Variants in EPHA3 observed in about 807,000 individuals in gnomAD.
EPHA3 encodes the protein ephrin type-A receptor 3.
In EPHA3, 42 loss-of-function variants were observed where a neutral mutation model predicts 107.1. The ratio of observed to expected loss-of-function variants is 0.39; its 90% confidence interval spans 0.31 to 0.51. The LOEUF (loss-of-function observed/expected upper bound fraction) is 0.51. Ranked by LOEUF, EPHA3 falls within the 20% of genes least tolerant of loss-of-function variation. The pLI, the probability that EPHA3 is intolerant of heterozygous loss-of-function variation, is 0.78. For missense variants in EPHA3, 1,183 were observed against 1,211.2 expected (o/e 0.98, Z 0.35); for synonymous variants, 461 against 424.8 (o/e 1.09, Z -1.05).
intron 3 of EPHA3, among the ~76,000 whole-genome samples, chr3:89,287,774 G>C (rs1322573174): frequency 6.6e-6 from 1 of 152,038 alleles, no homozygotes; most frequent in Non-Finnish European, 1.5e-5. Flanking sequence ...ATTAGTTCAT[G>C]TTACACAAGT....
At chr3:89,473,014 G>T (rs1302143635) in intron 16 of EPHA3, among the ~76,000 whole-genome samples, 1 of 152,152 alleles carries the variant, frequency 6.6e-6, no homozygotes, top group African/African-American at 2.4e-5. Context: ...CTTAACATCT[G>T]TGAATCAGGA....
chr3:89,244,471 C>T lies in EPHA3; in HGVS notation c.814+33951C>T, dbSNP rs558318842. On this transcript the variant is annotated intron_variant, in intron 3 of 16. Coordinates refer to ENST00000336596, the MANE Select transcript of EPHA3 (RefSeq NM_005233.6). ...TTTTCCAGTTAAAAAAAGATGAGTA[C>T]CTTAAAAAATGTTTTATACTATCCA... Among the ~76,000 whole-genome samples, 6 of 151,926 alleles carry T rather than the reference C, an allele frequency of 3.9e-5. No homozygotes were observed. The South Asian group carries it at 1.0e-3, about 26-fold the overall frequency.
rs561364568 is a variant in EPHA3 at position 89,459,210 on chromosome 3, A to G, written c.2690+8840A>G. On this transcript the variant is annotated intron_variant, in intron 15 of 16. Transcript: ENST00000336596. Reference sequence around the variant, plus strand: ...TAAGGTAAAATTTTAAAAAAGATAGAAGGAACATTGAGGTATTAAGAAAAC... The same window carrying G: ...TAAGGTAAAATTTTAAAAAAGATAGGAGGAACATTGAGGTATTAAGAAAAC... Among the ~76,000 whole-genome samples, 3 of 152,184 alleles carry G rather than the reference A, an allele frequency of 2.0e-5. No homozygotes were observed. The South Asian group carries it at 6.2e-4, about 32-fold the overall frequency.
chr3:89,343,018 G>A (rs1224442096), intron 5 of EPHA3, among the ~76,000 whole-genome samples: 6 of 152,108 alleles, frequency 3.9e-5, no homozygotes, highest in African/African-American at 7.2e-5. Context: ...TCAAGATTGA[G>A]TATAAACTCG....
intron 10 of EPHA3, among the ~76,000 whole-genome samples, 153 bp from the exon 11 acceptor site, chr3:89,419,051 CT>C (rs1709304417): frequency 6.6e-6 from 1 of 151,418 alleles, no homozygotes; most frequent in African/African-American, 2.4e-5. Flanking sequence ...ATATGATTAT[CT>C]TTCAAAATAA....
chr3:89,118,714 C>T (rs1437550670), intron 1 of EPHA3, among the ~76,000 whole-genome samples: 1 of 151,732 alleles, frequency 6.6e-6, no homozygotes, highest in Non-Finnish European at 1.5e-5. Flanking sequence ...AATTTATTGT[C>T]TGTTTATTTA....
intron 5 of EPHA3, among the ~76,000 whole-genome samples, chr3:89,350,971 G>C (rs183545289): frequency 7.3e-5 from 11 of 151,438 alleles, no homozygotes; most frequent in East Asian, 1.9e-4. Flanking sequence ...GCAGTCTGCC[G>C]GTTCTCAGAT....
At chr3:89,169,098 A>C (rs1283645742) in intron 2 of EPHA3, among the ~76,000 whole-genome samples, 1 of 152,218 alleles carries the variant, frequency 6.6e-6, no homozygotes, top group Non-Finnish European at 1.5e-5. Flanking sequence ...TTTTGGTATA[A>C]AAGCATCAGC....
At chr3:89,147,610 A>T (rs932677715) in intron 2 of EPHA3, among the ~76,000 whole-genome samples, 3 of 151,910 alleles carry the variant, frequency 2.0e-5, no homozygotes, top group Non-Finnish European at 4.4e-5. Flanking sequence ...GACCGCAATC[A>T]GTTCAATACT....
intron 11 of EPHA3, among the ~76,000 whole-genome samples, chr3:89,420,015 A>G (rs534740675): frequency 5.3e-5 from 8 of 151,502 alleles, no homozygotes; most frequent in South Asian, 2.1e-4. Context: ...ACTTATTTCC[A>G]TGATGGTTTC....
chr3:89,269,407 G>T (rs1251724862), intron 3 of EPHA3, among the ~76,000 whole-genome samples: 1 of 151,954 alleles, frequency 6.6e-6, no homozygotes, highest in Admixed American at 6.6e-5. Flanking sequence ...TTAAAAGCTT[G>T]ATGTACAGGG....
rs1709367612 is a variant in EPHA3, at chr3:89,422,353, G to A, written c.2074+2963G>A. On this transcript the variant is annotated intron_variant, in intron 11 of 16. Transcript: ENST00000336596. The stretch of plus-strand genomic sequence containing the variant: ...AAAGCACATCTATACATGCACACAT[G>A]CACACACACACACACAACTAGAGTG... Among the ~76,000 whole-genome samples, 5 of 145,070 alleles carry A rather than the reference G, an allele frequency of 3.4e-5. No homozygotes were observed. In the South Asian group the frequency reaches 1.1e-3, roughly 32 times the overall value.
chr3:89,304,199 G>A (rs577627535), intron 3 of EPHA3, among the ~76,000 whole-genome samples: 2 of 152,122 alleles, frequency 1.3e-5, no homozygotes, highest in African/African-American at 4.8e-5. Context: ...TCACCAGACA[G>A]CATTTCAGCA....
At chr3:89,443,059 A>G (rs1330372468) in intron 13 of EPHA3, among the ~76,000 whole-genome samples, 1 of 152,192 alleles carries the variant, frequency 6.6e-6, no homozygotes, top group Non-Finnish European at 1.5e-5. Context: ...TATTTTAGTC[A>G]GTATATAAGT....
chr3:89,175,827 G>T (rs551354596), intron 2 of EPHA3, among the ~76,000 whole-genome samples: 2 of 152,180 alleles, frequency 1.3e-5, no homozygotes, highest in South Asian at 4.1e-4. Context: ...ATTGAAAAAG[G>T]AAGGAGGAAG....
intron 10 of EPHA3, 53 bp from the exon 11 acceptor site, chr3:89,419,152 G>T: frequency 2.0e-6 from 3 of 1,502,964 alleles, no homozygotes; most frequent in South Asian, 1.4e-5. Flanking sequence ...CTCTACTGAT[G>T]AATTTTTATT....
At chr3:89,399,585 T>C (rs1165307218) in intron 7 of EPHA3, 105 bp downstream of exon 7, 105 of 1,505,786 alleles carry the variant, frequency 7.0e-5, no homozygotes, top group Non-Finnish European at 9.4e-5. Context: ...ATGTGATACA[T>C]TTAAGGTATA....
chr3:89,406,938 G>A (rs1456488389), intron 7 of EPHA3, among the ~76,000 whole-genome samples: 1 of 152,014 alleles, frequency 6.6e-6, no homozygotes, highest in African/African-American at 2.4e-5. Context: ...ATAACTTCTG[G>A]TTCATTCAAC....
intron 3 of EPHA3, among the ~76,000 whole-genome samples, chr3:89,223,618 G>C (rs1202534824): frequency 1.3e-5 from 2 of 152,128 alleles, no homozygotes; most frequent in African/African-American, 2.4e-5. Flanking sequence ...TATGTTTGTT[G>C]TACATGACTT....
Sources: allele counts gnomAD v4.1 joint callset (sites outside exome capture counted in the v4.1 genomes callset), GRCh38; gene constraint gnomAD v4.1.1; transcripts MANE v1.5; gene names NCBI Gene and HGNC (gene_info 2026-07-23, HGNC 2026-07-21).